Variants in MAP7 observed in about 807,000 individuals in gnomAD.
MAP7 encodes the protein ensconsin.
In MAP7, 52 loss-of-function variants were observed where a neutral mutation model predicts 94.8. The ratio of observed to expected loss-of-function variants is 0.55; its 90% CI spans 0.44 to 0.69. The LOEUF is 0.69. Among genes scored for constraint, MAP7 ranks in the 30% least tolerant of loss-of-function variants. The pLI is 0.00. For synonymous variants in MAP7, 350 were observed against 357.0 expected, an observed-to-expected ratio of 0.98 and a Z score of 0.22; for missense variants, 940 against 964.6, an observed-to-expected ratio of 0.97 and a Z score of 0.34.
At chr6:136,520,897 G>C (rs1826224972) in intron 1 of MAP7, among the ~76,000 whole-genome samples, 1 of 152,206 alleles carries the variant, frequency 6.6e-6, no homozygotes, top group South Asian at 2.1e-4. Flanking sequence ...AAAGAGGATG[G>C]AGAAGGCAAA....
intron 3 of MAP7, among the ~76,000 whole-genome samples, chr6:136,392,603 G>A (rs1283847593): frequency 6.6e-6 from 1 of 151,998 alleles, no homozygotes; most frequent in Non-Finnish European, 1.5e-5. Context: ...CAGTAACAAT[G>A]TGCTGTCGTA....
At chr6:136,366,917 A>C (rs1794489835) in intron 8 of MAP7, among the ~76,000 whole-genome samples, 2 of 152,210 alleles carry the variant, frequency 1.3e-5, no homozygotes, top group South Asian at 4.1e-4. Flanking sequence ...TATTAGACAT[A>C]AACTCATTTT....
At chr6:136,500,463 C>T (rs1436120997) in intron 1 of MAP7, among the ~76,000 whole-genome samples, 6 of 152,166 alleles carry the variant, frequency 3.9e-5, no homozygotes, top group South Asian at 2.1e-4. Context: ...GGATCTGTCT[C>T]GCTGTTGCAT....
intron 13 of MAP7, 125 bp from the exon 14 acceptor site, chr6:136,360,156 T>G: frequency 3.3e-6 from 2 of 601,972 alleles, no homozygotes; most frequent in Non-Finnish European, 5.5e-6. Flanking sequence ...ATATGCACTT[T>G]TTTTTTTTTT....
At chr6:136,451,621 T>C (rs1801148025) in intron 1 of MAP7, among the ~76,000 whole-genome samples, 1 of 152,194 alleles carries the variant, frequency 6.6e-6, no homozygotes, top group Non-Finnish European at 1.5e-5. Flanking sequence ...CTTAAGGCTA[T>C]AGCTGCCATA....
At chr6:136,445,930 G>A (rs535021952) in intron 1 of MAP7, among the ~76,000 whole-genome samples, 6 of 152,202 alleles carry the variant, frequency 3.9e-5, no homozygotes, top group East Asian at 1.9e-4. Flanking sequence ...ACCTCTAGTC[G>A]CCAAAATGCA....
intron 1 of MAP7, among the ~76,000 whole-genome samples, chr6:136,437,303 C>T (rs769104436): frequency 4.6e-5 from 7 of 152,122 alleles, no homozygotes; most frequent in Admixed American, 6.5e-5. Context: ...GTAGAAGCCC[C>T]GGCAGGAACC....
chr6:136,419,918 T>C (rs775926270), intron 2 of MAP7: 46 of 585,154 alleles, frequency 7.9e-5, no homozygotes, highest in Middle Eastern at 3.4e-4. Flanking sequence ...TCTATCTCTA[T>C]GTATTTTTCT....
chr6:136,390,651 C>G lies in MAP7; in HGVS notation c.245-1134G>C, dbSNP rs1323908302. Among the ~76,000 whole-genome samples, 3 of 151,984 alleles carry G rather than the reference C, an allele frequency of 2.0e-5. No individual in the cohort carries two copies. The East Asian group carries it at 5.8e-4, about 29-fold the overall frequency. ...CTTGGACGACAGAGTGAGACTCTGT[C>G]TCAAAAACAAACAAACAAACAAACA... On this transcript the variant is annotated intron_variant, in intron 3 of 17. Coordinates refer to ENST00000354570, the MANE Select transcript of MAP7 (RefSeq NM_003980.6).
chr6:136,380,775 T>G (rs1314749785), intron 6 of MAP7, among the ~76,000 whole-genome samples: 1 of 152,230 alleles, frequency 6.6e-6, no homozygotes, highest in African/African-American at 2.4e-5. Flanking sequence ...TATTCAGGTG[T>G]AATAATTAAA....
In MAP7 at chr6:136,365,973, C is replaced by T. The variant is rs143331676; in HGVS notation, c.1035G>A (p.Pro345=). 143 of 1,613,300 alleles carry T rather than the reference C, an allele frequency of 8.9e-5. 1 individual carries two copies. In the African/African-American group the frequency reaches 1.5e-3, roughly 16 times the overall value. Residue 345 remains proline, a synonymous_variant, in exon 10 of 18, where the codon CCG becomes CCA. Transcript: ENST00000354570. ...SLPHLPGTPR[P]TSSLPPGSVK... The stretch of plus-strand genomic sequence containing the variant: ...CTGAGCCGGGTGGCAAGGAGGATGT[C>T]GGTCTGGGTGTGCCAGGCAAATGAG...
chr6:136,348,022 CA>C (rs1788165685), intron 16 of MAP7, among the ~76,000 whole-genome samples: 1 of 145,046 alleles, frequency 6.9e-6, no homozygotes, highest in African/African-American at 2.6e-5. Context: ...CCCCCCCCCC[CA>C]AGTCACGTGT....
In MAP7 at chr6:136,345,949, C is replaced by T; in HGVS notation, c.2146G>A (p.Glu716Lys). The change falls in exon 17 of 18, where the codon GAA (glutamate) becomes AAA (lysine). Residue 716 changes from glutamate (E) to lysine (K), a missense_variant. Glu to Lys is a moderately conservative substitution (Grantham distance 56). Transcript: ENST00000354570. ...GCCAAAATTGGATTCAAAGGAATTT[C>T]TGGGCTCTCACTGTTGGTGACATCT... Reference protein sequence around the residue: ...RLDVTNSESPEIPLNPILAFD... With the variant: ...RLDVTNSESPKIPLNPILAFD... The T allele has an allele frequency of 6.2e-7, 1 of 1,614,132 alleles. No individual in the cohort carries two copies. Among genetic ancestry groups the T allele is most frequent in the Non-Finnish European group, 8.5e-7 (1 of 1,179,992 alleles).
intron 1 of MAP7, among the ~76,000 whole-genome samples, chr6:136,449,223 A>C (rs1454516951): frequency 6.6e-6 from 1 of 152,134 alleles, no homozygotes; most frequent in African/African-American, 2.4e-5. Context: ...TGAACCCAGG[A>C]GGCGGAGCTC....
intron 1 of MAP7, among the ~76,000 whole-genome samples, chr6:136,449,693 A>T (rs1392187789): frequency 6.6e-6 from 1 of 152,208 alleles, no homozygotes; most frequent in Non-Finnish European, 1.5e-5. Context: ...AAAAATATGT[A>T]AGGAGTCAGC....
At chr6:136,361,302 G>T in intron 11 of MAP7, 123 bp from the exon 12 acceptor site, 1 of 957,900 alleles carries the variant, frequency 1.0e-6, no homozygotes, top group Non-Finnish European at 1.6e-6. Context: ...ATCCCCACTG[G>T]ATGCCTTCAC....
chr6:136,346,400 C>A (rs960989229), intron 16 of MAP7, among the ~76,000 whole-genome samples: 3 of 151,970 alleles, frequency 2.0e-5, no homozygotes, highest in Non-Finnish European at 4.4e-5. Flanking sequence ...CCCGTCTCTA[C>A]AAAAGAAAAA....
intron 1 of MAP7, among the ~76,000 whole-genome samples, chr6:136,451,368 A>G (rs1314928353): frequency 6.6e-6 from 1 of 152,214 alleles, no homozygotes; most frequent in Non-Finnish European, 1.5e-5. Flanking sequence ...ATGACAGCAC[A>G]TCTGTTGACA....
rs542100101 is a variant in MAP7 at position 136,505,434 on chromosome 6, T to C, written c.67+44908A>G. The stretch of plus-strand genomic sequence containing the variant: ...TGTCCTAATTTTAGTGTCCCCATTT[T>C]TGTGTGTCTGATGTAAAAGTACTGT... On this transcript the variant is annotated intron_variant, in intron 1 of 17. Transcript: ENST00000354570. Among the ~76,000 whole-genome samples the C allele has an allele frequency of 4.0e-5, 6 of 151,478 alleles. No homozygotes were observed. The East Asian group carries it at 1.2e-3, about 29-fold the overall frequency.
Sources: allele counts gnomAD v4.1 joint callset (sites outside exome capture counted in the v4.1 genomes callset), GRCh38; gene constraint gnomAD v4.1.1; transcripts MANE v1.5; gene names NCBI Gene and HGNC (gene_info 2026-07-23, HGNC 2026-07-21).